GABBR2: variants seen among roughly 807,000 people sequenced by gnomAD.
GABBR2 encodes the protein G-protein coupled receptor 51.
GABBR2 carries 23 observed loss-of-function variants against 105.6 expected under a neutral mutation model. That is an observed-to-expected ratio of 0.22 (90% CI 0.16 to 0.31). The LOEUF is 0.31. Among genes scored for constraint, GABBR2 ranks in the 10% least tolerant of loss-of-function variants. The pLI is 1.00. For missense variants in GABBR2, 734 were observed against 1,245.5 expected, an observed-to-expected ratio of 0.59 and a Z score of 6.18; for synonymous variants, 478 against 499.7, an observed-to-expected ratio of 0.96 and a Z score of 0.58.
At chr9:98,598,069 C>T (rs920994962) in intron 1 of GABBR2, among the ~76,000 whole-genome samples, 6 of 152,132 alleles carry the variant, frequency 3.9e-5, no homozygotes, top group South Asian at 2.1e-4. Context: ...GCAATCCACC[C>T]GCCTTGGCCT....
intron 1 of GABBR2, among the ~76,000 whole-genome samples, chr9:98,586,737 A>G (rs1829082865): frequency 6.6e-6 from 1 of 152,176 alleles, no homozygotes; most frequent in Admixed American, 6.5e-5. Flanking sequence ...ATGGCTCCAC[A>G]TTATGTTTGT....
At chr9:98,558,878 A>G (rs761224772) in intron 2 of GABBR2, among the ~76,000 whole-genome samples, 28 of 152,260 alleles carry the variant, frequency 1.8e-4, no homozygotes, top group Non-Finnish European at 3.2e-4. Context: ...AGGGATCTCA[A>G]TAGTACAGTT....
intron 6 of GABBR2, among the ~76,000 whole-genome samples, chr9:98,470,123 C>G (rs892513186): frequency 6.6e-6 from 1 of 152,170 alleles, no homozygotes; most frequent in Non-Finnish European, 1.5e-5. Flanking sequence ...AAGGAACAGG[C>G]TGAGCATGGG....
rs568681894 is a variant in GABBR2 at position 98,396,011 on chromosome 9, C to G, written c.1298-1756G>C. ...AAAGACAAGGAGACGGAGGCTCAGA[C>G]AGCTTGTGGCTTTGCCTAGGGCCCC... is the stretch of plus-strand genomic sequence containing the variant. On this transcript the variant is annotated intron_variant, in intron 8 of 18. Transcript: ENST00000259455. Among the ~76,000 whole-genome samples the G allele has an allele frequency of 4.6e-5, 7 of 152,294 alleles. No individual in the cohort carries two copies. The East Asian group carries it at 1.4e-3, about 29-fold the overall frequency.
chr9:98,699,651 G>A (rs1830802862), intron 1 of GABBR2, among the ~76,000 whole-genome samples: 1 of 152,176 alleles, frequency 6.6e-6, no homozygotes, highest in Admixed American at 6.5e-5. Flanking sequence ...GGTGCTAACA[G>A]TGGAGTGGGG....
intron 12 of GABBR2, among the ~76,000 whole-genome samples, chr9:98,371,116 C>T (rs1475493909): frequency 6.6e-6 from 1 of 152,114 alleles, no homozygotes; most frequent in Non-Finnish European, 1.5e-5. Context: ...CAGGCTGCCA[C>T]GGATGGTTCC....
At chr9:98,311,741 T>C (rs1345456970) in intron 13 of GABBR2, among the ~76,000 whole-genome samples, 1 of 152,160 alleles carries the variant, frequency 6.6e-6, no homozygotes, top group African/African-American at 2.4e-5. Context: ...ACCACATGAC[T>C]CATCCTTGGC....
intron 1 of GABBR2, among the ~76,000 whole-genome samples, chr9:98,579,824 A>G (rs1416604516): frequency 6.6e-6 from 1 of 152,212 alleles, no homozygotes; most frequent in Non-Finnish European, 1.5e-5. Context: ...ACCTTTGGGG[A>G]TAGAAAGAAA....
intron 1 of GABBR2, among the ~76,000 whole-genome samples, chr9:98,646,414 C>T (rs1437125579): frequency 6.6e-6 from 1 of 152,266 alleles, no homozygotes; most frequent in African/African-American, 2.4e-5. Context: ...GTGACTCCAC[C>T]GGGAGAGGAC....
At chr9:98,632,556 A>C (rs1477727191) in intron 1 of GABBR2, among the ~76,000 whole-genome samples, 2 of 152,194 alleles carry the variant, frequency 1.3e-5, no homozygotes, top group Non-Finnish European at 2.9e-5. Flanking sequence ...GGTTTCATAA[A>C]GTCTGTGCAG....
intron 1 of GABBR2, among the ~76,000 whole-genome samples, chr9:98,601,274 C>T (rs371523968): frequency 4.1e-4 from 62 of 152,282 alleles, no homozygotes; most frequent in African/African-American, 1.2e-3. Context: ...CCCAACACTT[C>T]GGGAGGCCAA....
intron 17 of GABBR2, 21 bp downstream of exon 17, chr9:98,299,203 C>T: frequency 6.2e-7 from 1 of 1,611,552 alleles, no homozygotes; most frequent in Admixed American, 1.7e-5. Context: ...CTACCACATT[C>T]TGGGGCCCTG....
chr9:98,594,926 T>C (rs1829210607), intron 1 of GABBR2, among the ~76,000 whole-genome samples: 1 of 152,232 alleles, frequency 6.6e-6, no homozygotes, highest in African/African-American at 2.4e-5. Context: ...TCTTTCAGGC[T>C]GAGATCTGCC....
At chr9:98,322,157 A>AT (rs1830833665) in intron 13 of GABBR2, among the ~76,000 whole-genome samples, 1 of 151,864 alleles carries the variant, frequency 6.6e-6, no homozygotes, top group Non-Finnish European at 1.5e-5. Context: ...GCTGGCCCAG[A>AT]GGGGGCACCA....
chr9:98,705,039 C>T (rs1830876719), intron 1 of GABBR2, among the ~76,000 whole-genome samples: 1 of 152,066 alleles, frequency 6.6e-6, no homozygotes, highest in Non-Finnish European at 1.5e-5. Context: ...ACCTTGACTG[C>T]CAGGAAGCTC....
intron 13 of GABBR2, among the ~76,000 whole-genome samples, chr9:98,324,216 C>CT (rs1830877252): frequency 1.3e-5 from 2 of 152,194 alleles, no homozygotes; most frequent in Non-Finnish European, 2.9e-5. Context: ...GGAAGGCAGG[C>CT]TGCTGCCTGG....
chr9:98,651,035 G>A (rs1830095357), intron 1 of GABBR2, among the ~76,000 whole-genome samples: 1 of 151,946 alleles, frequency 6.6e-6, no homozygotes, highest in Non-Finnish European at 1.5e-5. Context: ...TATACCTAAT[G>A]CCACTGAACT....
In GABBR2 at chr9:98,289,549, C is replaced by T. The variant is rs1830253912; in HGVS notation, c.*1035G>A. 1 of 152,360 alleles carries T rather than the reference C, an allele frequency of 6.6e-6. No homozygotes were observed. Among genetic ancestry groups the T allele is most frequent in the Non-Finnish European group, 1.5e-5 (1 of 68,010 alleles). The allele number at this position is 152,360 out of a possible 1,614,324, so 9.4% of individuals were successfully genotyped here. ...CCTTCTGGAAGCCAAGGGAAGCCCT[C>T]AGCCAGCAACTCTCTCCCCTATGTC... On this transcript the variant is annotated 3_prime_UTR_variant, in exon 19 of 19. Transcript: ENST00000259455.
intron 12 of GABBR2, among the ~76,000 whole-genome samples, chr9:98,370,927 A>G (rs1831769626): frequency 6.6e-6 from 1 of 152,026 alleles, no homozygotes; most frequent in South Asian, 2.1e-4. Context: ...TAAATCAGGT[A>G]CCAGCCCTGT....
Sources: allele counts gnomAD v4.1 joint callset (sites outside exome capture counted in the v4.1 genomes callset), GRCh38; gene constraint gnomAD v4.1.1; transcripts MANE v1.5; gene names NCBI Gene and HGNC (gene_info 2026-07-23, HGNC 2026-07-21).